Variants in COG7 observed in about 807,000 individuals in gnomAD.
COG7 encodes the protein component of oligomeric golgi complex 7.
A neutral mutation model predicts 91.5 loss-of-function variants in COG7; 49 were observed. The ratio of observed to expected loss-of-function variants is 0.54; its 90% CI spans 0.43 to 0.68. COG7 has a LOEUF of 0.68. Among genes scored for constraint, COG7 ranks in the 30% least tolerant of loss-of-function variants. The pLI is 0.00. For synonymous variants in COG7, 365 were observed against 388.7 expected (o/e 0.94, Z 0.72); for missense variants, 895 against 961.3 (o/e 0.93, Z 0.91).
intron 7 of COG7, among the ~76,000 whole-genome samples, chr16:23,419,398 C>T (rs1316532998): frequency 4.5e-5 from 6 of 132,152 alleles, no homozygotes; most frequent in African/African-American, 1.5e-4. Flanking sequence ...GCAACAAGAG[C>T]GAGACTCCAT....
Position 23,449,380 on chromosome 16 carries a change from TTAAAATAAAATAAAATAAAA to T in COG7, c.169+3426_170-3420del, listed in dbSNP as rs373494185. On this transcript the variant is annotated intron_variant, in intron 1 of 16. Transcript: ENST00000307149. ...TCCATCTCAAAAAAATAAAATTAAA[TTAAAATAAAATAAAATAAAA>T]TAAAATAAAATAAAATAAAATAAAA... Among the ~76,000 whole-genome samples the T allele has an allele frequency of 1.5e-3, 204 of 134,714 alleles. 1 individual carries two copies. Among genetic ancestry groups the T allele is most frequent in the South Asian group, 5.2e-3 (22 of 4,262 alleles). The allele number at this position is 134,714 out of a possible 152,430, so 88.4% of individuals were successfully genotyped here. A position where few individuals can be genotyped will look rare whatever the true frequency, so the allele number is the denominator to read the frequency against.
rs779734999 is a variant in COG7 at position 23,433,560 on chromosome 16, G to C, written c.795C>G (p.Ile265Met). Reference protein sequence around the residue: ...DALLGAWHTQIQWATQVFQKP... With the variant: ...DALLGAWHTQMQWATQVFQKP... The stretch of plus-strand genomic sequence containing the variant: ...GAGCTGTTACCTGTGTAGCCCACTG[G>C]ATTTGTGTGTGCCAAGCACCAAGCA... Residue 265 changes from isoleucine to methionine, a missense_variant, in exon 6 of 17, where the codon ATC (isoleucine) becomes ATG (methionine). By Grantham distance (10) the Ile-to-Met change is conservative. Transcript: ENST00000307149. 2 of 1,613,914 alleles carry C rather than the reference G, an allele frequency of 1.2e-6. No individual in the cohort carries two copies. Among genetic ancestry groups the C allele is most frequent in the Admixed American group, 1.7e-5 (1 of 59,988 alleles).
intron 8 of COG7, 126 bp downstream of exon 8, chr16:23,418,574 G>T: frequency 1.3e-6 from 1 of 770,080 alleles, no homozygotes; most frequent in Non-Finnish European, 2.3e-6. Flanking sequence ...GATTACAAGA[G>T]CCCACAAGTG....
intron 1 of COG7, among the ~76,000 whole-genome samples, chr16:23,451,840 T>C (rs1052815529): frequency 6.6e-6 from 1 of 152,078 alleles, no homozygotes; most frequent in Non-Finnish European, 1.5e-5. Context: ...CTCTTATACC[T>C]ATACTATAAT....
At chr16:23,439,834 T>G (rs1297319175) in intron 4 of COG7, among the ~76,000 whole-genome samples, 1 of 152,192 alleles carries the variant, frequency 6.6e-6, no homozygotes, top group East Asian at 1.9e-4. Flanking sequence ...ACTTAAAAAT[T>G]ATTAAAATGG....
chr16:23,432,735 T>A (rs1963953903), intron 6 of COG7, among the ~76,000 whole-genome samples: 1 of 152,128 alleles, frequency 6.6e-6, no homozygotes, highest in African/African-American at 2.4e-5. Flanking sequence ...AGTTCCTCTG[T>A]CTCTCCTCAC....
intron 1 of COG7, chr16:23,446,878 A>G (rs1258170784): frequency 1.3e-5 from 2 of 151,894 alleles, no homozygotes; most frequent in African/African-American, 4.8e-5. Context: ...CAGCCTCTCA[A>G]GTAGGTGGGA....
At chr16:23,408,835 G>C (rs758225027) in intron 11 of COG7, among the ~76,000 whole-genome samples, 5 of 151,982 alleles carry the variant, frequency 3.3e-5, no homozygotes, top group Non-Finnish European at 5.9e-5. Flanking sequence ...AGGGTAAGGA[G>C]AGACTGGTTA....
In COG7 at chr16:23,424,967, T is replaced by A; in HGVS notation, c.811-20A>T. 1.3e-6 allele frequency: 2 copies of A among 1,560,024 alleles called. No homozygotes were observed. Among genetic ancestry groups the A allele is most frequent in the Non-Finnish European group, 1.8e-6 (2 of 1,142,284 alleles). ...GAAAACCTGCAGTGAGAGAGAGGTG[T>A]ACCTGCCTTAGCACATGGAGCCAAA... On this transcript the variant is annotated intron_variant, in intron 6 of 16. Transcript: ENST00000307149.
intron 13 of COG7, among the ~76,000 whole-genome samples, chr16:23,400,317 T>A (rs944233727): frequency 6.6e-6 from 1 of 151,990 alleles, no homozygotes; most frequent in Admixed American, 6.5e-5. Context: ...GAATCCCCTG[T>A]GGAAACAGGT....
intron 10 of COG7, chr16:23,413,027 C>T (rs1011528042): frequency 1.0e-5 from 2 of 196,184 alleles, no homozygotes; most frequent in Non-Finnish European, 2.1e-5. Flanking sequence ...GGCCAAATAG[C>T]GTTGCCTGGA....
chr16:23,450,305 A>C (rs916327804), intron 1 of COG7, among the ~76,000 whole-genome samples: 23 of 152,236 alleles, frequency 1.5e-4, no homozygotes, highest in African/African-American at 5.5e-4. Context: ...AAGGTCTAAC[A>C]CAGGGCAAGT....
chr16:23,402,423 CAAGT>C (rs1482047756), intron 13 of COG7, among the ~76,000 whole-genome samples: 1 of 151,320 alleles, frequency 6.6e-6, no homozygotes, highest in Non-Finnish European at 1.5e-5. Context: ...TTAAAAAAAT[CAAGT>C]AAGTCATTCT....
chr16:23,446,443 GTC>G (rs1964183448), intron 1 of COG7: 1 of 153,580 alleles, frequency 6.5e-6, no homozygotes, highest in Non-Finnish European at 1.4e-5. Flanking sequence ...GCTTTCCATG[GTC>G]TTTTTTTTTT....
chr16:23,446,089 A>C, intron 1 of COG7, 128 bp from the exon 2 acceptor site: 1 of 1,153,100 alleles, frequency 8.7e-7, no homozygotes, highest in Non-Finnish European at 1.2e-6. Flanking sequence ...GACCAACCAA[A>C]CGGTTTTTGG....
chr16:23,410,395 T>G lies in COG7; in HGVS notation c.1410-35A>C, dbSNP rs766180200. On this transcript the variant is annotated intron_variant, in intron 10 of 16. Transcript: ENST00000307149. Reference sequence around the variant, plus strand: ...ACAAAAAGCACTTCAAGTTCAAGTATCTGGAATGCCAGCCTTTACAGGACA... The same window carrying G: ...ACAAAAAGCACTTCAAGTTCAAGTAGCTGGAATGCCAGCCTTTACAGGACA... 2.6e-6 allele frequency: 4 copies of G among 1,557,330 alleles called. No homozygotes were observed. In the Admixed American group the frequency reaches 6.7e-5, roughly 26 times the overall value.
Position 23,413,481 on chromosome 16 carries a change from T to C in COG7, c.1376A>G (p.Gln459Arg), listed in dbSNP as rs757479463. The C allele has an allele frequency of 1.2e-6, 2 of 1,610,418 alleles. No homozygotes were observed. Among genetic ancestry groups the C allele is most frequent in the Non-Finnish European group, 1.7e-6 (2 of 1,176,592 alleles). ...LDHIPPNSLFQEDWTAFQNSI... is the reference protein window; with the variant it reads ...LDHIPPNSLFREDWTAFQNSI... ...GTTCTGAAAAGCCGTCCAATCTTCC[T>C]GGAAGAGGGAGTTGGGAGGAATGTG... Residue 459 changes from glutamine to arginine, a missense_variant, in exon 10 of 17, where the codon CAG becomes CGG. By Grantham distance (43) the Gln-to-Arg change is conservative (BLOSUM62 1). Coordinates refer to ENST00000307149, the MANE Select transcript of COG7 (RefSeq NM_153603.4).
rs1170991894 is a variant in COG7, at chr16:23,424,906, A to G, written c.852T>C (p.Ile284=). 6.2e-7 allele frequency: 1 copy of G among 1,613,680 alleles called. No homozygotes were observed. The highest frequency in any genetic ancestry group is 1.1e-5 in the South Asian group (1 of 91,002). ...AGGGCATGAGGGCCCCCAGGGTCTG[A>G]ATCAGCAGCACCATTACCACCTCGT... The part of the protein sequence containing the change: ...KPHEVVMVLL[I]QTLGALMPSL... The change falls in exon 7 of 17, where the codon ATT becomes ATC. Residue 284 remains isoleucine, a synonymous_variant. Transcript: ENST00000307149.
At chr16:23,437,305 T>G (rs369885732) in intron 4 of COG7, among the ~76,000 whole-genome samples, 1 of 152,132 alleles carries the variant, frequency 6.6e-6, no homozygotes. Context: ...ACAAAAAAGC[T>G]TAAATGCATG....
Sources: gnomAD v4.1 joint callset for allele counts (sites outside exome capture counted in the v4.1 genomes callset) on GRCh38, gnomAD v4.1.1 for gene constraint, MANE v1.5 for transcripts, NCBI Gene and HGNC (gene_info 2026-07-23, HGNC 2026-07-21) for gene names.